Variants in LPIN3 observed in about 807,000 individuals in gnomAD.
LPIN3 encodes phosphatidate phosphatase LPIN3.
Under a neutral mutation model 94.7 loss-of-function variants are expected in LPIN3, and 82 were observed. The ratio of observed to expected loss-of-function variants is 0.87; its 90% confidence interval spans 0.72 to 1.04. LPIN3 has a LOEUF of 1.04. Among genes scored for constraint, LPIN3 ranks in the 50% least tolerant of loss-of-function variants. The pLI is 0.00. For missense variants in LPIN3, 996 were observed against 1,090.5 expected (o/e 0.91, Z 1.22); for synonymous variants, 418 against 443.3 (o/e 0.94, Z 0.72).
At chr20:41,348,361 A>G (rs1308628922) in intron 3 of LPIN3, among the ~76,000 whole-genome samples, 1 of 152,186 alleles carries the variant, frequency 6.6e-6, no homozygotes, top group Non-Finnish European at 1.5e-5. Context: ...GTCTGCTGTC[A>G]TAGACTTGGG....
At position 41,357,888 on chromosome 20, in the gene LPIN3, G is replaced by A. The variant is rs1197151729; in HGVS notation, c.2046G>A (p.Gly682=). ...TSLYHKIQLN[G]YKFLYCSARA... ...CCCTGTCCCCCACTCTCAGAAATGGGTACAAGTTCCTGTACTGCTCGGCGC... is the reference window on the plus strand; with the variant it reads ...CCCTGTCCCCCACTCTCAGAAATGGATACAAGTTCCTGTACTGCTCGGCGC... The change falls in exon 17 of 20, where the codon GGG becomes GGA. Residue 682 remains glycine, a synonymous_variant. Coordinates refer to ENST00000373257, the MANE Select transcript of LPIN3 (RefSeq NM_022896.3). The A allele has an allele frequency of 1.2e-6, 2 of 1,613,972 alleles. No homozygotes were observed. Among genetic ancestry groups the A allele is most frequent in the African/African-American group, 2.7e-5 (2 of 74,936 alleles).
Position 41,348,868 on chromosome 20 carries a change from C to A in LPIN3, c.538C>A (p.Leu180Met). Residue 180 changes from leucine to methionine, a missense_variant, in exon 4 of 20, where the codon CTG becomes ATG. Physicochemically the swap from Leu to Met is conservative, Grantham distance 15 (BLOSUM62 2). Transcript: ENST00000373257. The part of the protein sequence containing the change: ...AESELSLPEK[L>M]RPEPPGVQLE... ...GAGTGAGCTATCCCTGCCGGAAAAG[C>A]TGAGGCCAGAGCCCCCAGGGTGTGT... 1 of 1,606,112 alleles carries A rather than the reference C, an allele frequency of 6.2e-7. No homozygotes were observed. Among genetic ancestry groups the A allele is most frequent in the Non-Finnish European group, 8.5e-7 (1 of 1,176,148 alleles).
rs147019839 is a variant in LPIN3 at position 41,350,441 on chromosome 20, C to T, written c.1102+44C>T. 5.1e-4 allele frequency: 745 copies of T among 1,465,260 alleles called. 9 individuals carry two copies. In the African/African-American group the frequency reaches 8.7e-3, roughly 17 times the overall value. 90.8% of individuals were successfully genotyped at this position (1,465,260 alleles called of 1,614,324 possible). A position where few individuals can be genotyped will look rare whatever the true frequency, so the allele number is the denominator to read the frequency against. Reference sequence around the variant, plus strand: ...CTCCCACTGCCTCCCTGGCCTCGCTCTGTCCCCTGGGTGGGTGCTGGGACT... The same window carrying T: ...CTCCCACTGCCTCCCTGGCCTCGCTTTGTCCCCTGGGTGGGTGCTGGGACT... On this transcript the variant is annotated intron_variant, in intron 7 of 19. Transcript: ENST00000373257.
intron 5 of LPIN3, among the ~76,000 whole-genome samples, chr20:41,349,458 C>G (rs1214019456): frequency 6.6e-6 from 1 of 152,094 alleles, no homozygotes; most frequent in African/African-American, 2.4e-5. Flanking sequence ...TCCAGAACAT[C>G]CCATCCCCCA....
intron 2 of LPIN3, 83 bp downstream of exon 2, chr20:41,346,078 C>A: frequency 7.1e-7 from 1 of 1,404,004 alleles, no homozygotes; most frequent in Non-Finnish European, 9.8e-7. Context: ...AGGACAGGAC[C>A]TGGGGCCTCC....
chr20:41,353,716 C>T (rs1034688031), intron 11 of LPIN3, among the ~76,000 whole-genome samples: 1 of 152,264 alleles, frequency 6.6e-6, no homozygotes, highest in Non-Finnish European at 1.5e-5. Context: ...CCAACCTGCA[C>T]CTGCCCCTCT....
In LPIN3 at chr20:41,356,438, A is replaced by T. The variant is rs2046210837; in HGVS notation, c.1803+404A>T. On this transcript the variant is annotated intron_variant, in intron 14 of 19. Coordinates refer to ENST00000373257, the MANE Select transcript of LPIN3 (RefSeq NM_022896.3). ...AACTGGTGGCTCCTGGAATAAGAAC[A>T]TATTTTCTTCATGGTTGTGGCTCCA... Among the ~76,000 whole-genome samples, 3 of 152,102 alleles carry T rather than the reference A, an allele frequency of 2.0e-5. No individual in the cohort carries two copies. The South Asian group carries it at 6.2e-4, about 32-fold the overall frequency.
intron 1 of LPIN3, among the ~76,000 whole-genome samples, chr20:41,344,987 G>A (rs1265341922): frequency 6.6e-6 from 1 of 152,192 alleles, no homozygotes; most frequent in African/African-American, 2.4e-5. Flanking sequence ...TTGAGCATCT[G>A]ACCCCAGGAA....
chr20:41,358,264 G>T lies in LPIN3; in HGVS notation c.2220G>T (p.Val740=), dbSNP rs756924997. ...HREVIEKKPE[V]FKVACLSDIQ... ...AGGTGATCGAGAAGAAACCAGAGGT[G>T]TTCAAGGTCGCCTGCCTGAGTGACA... The change falls in exon 18 of 20, where the codon GTG becomes GTT. Residue 740 remains valine, a synonymous_variant. Coordinates refer to ENST00000373257, the MANE Select transcript of LPIN3 (RefSeq NM_022896.3). 1.1e-5 allele frequency: 18 copies of T among 1,613,968 alleles called. No homozygotes were observed. The highest frequency in any genetic ancestry group is 1.5e-5 in the Non-Finnish European group (18 of 1,180,040).
rs746104657 is a variant in LPIN3 at position 41,348,661 on chromosome 20, G to C, written c.331G>C (p.Gly111Arg). The change falls in exon 4 of 20, where the codon GGG (glycine) becomes CGG (arginine). Residue 111 changes from glycine to arginine, a missense_variant. Transcript: ENST00000373257. ...PGLCTSPIPW[G>R]GLSGFPSDSQ... Reference sequence around the variant, plus strand: ...CCTGTGCACCTCACCCATCCCTTGGGGGGGTCTGTCTGGCTTCCCCTCGGA... The same window carrying C: ...CCTGTGCACCTCACCCATCCCTTGGCGGGGTCTGTCTGGCTTCCCCTCGGA... 23 of 1,613,558 alleles carry C rather than the reference G, an allele frequency of 1.4e-5. No individual in the cohort carries two copies. Among genetic ancestry groups the C allele is most frequent in the Admixed American group, 1.3e-4 (8 of 59,976 alleles).
rs961749759 is a variant in LPIN3 at position 41,350,326 on chromosome 20, A to G, written c.1031A>G (p.Lys344Arg). The G allele has an allele frequency of 8.7e-6, 14 of 1,610,984 alleles. No individual in the cohort carries two copies. The African/African-American group carries it at 1.9e-4, about 22-fold the overall frequency. Residue 344 changes from lysine (K) to arginine (R), a missense_variant, in exon 7 of 20, where the codon AAG (lysine) becomes AGG (arginine). By Grantham distance (26) the Lys-to-Arg change is conservative (BLOSUM62 2). Transcript: ENST00000373257. ...SGDMGLPPAS[K>R]SWSWATLEVP... ...GACATGGGCCTCCCTCCTGCCTCCA[A>G]GTCATGGAGCTGGGCCACTCTGGAG... is the stretch of plus-strand genomic sequence containing the variant.
intron 9 of LPIN3, 147 bp from the exon 10 acceptor site, chr20:41,352,459 G>A: frequency 1.2e-6 from 1 of 835,070 alleles, no homozygotes; most frequent in Non-Finnish European, 2.0e-6. Flanking sequence ...GGGAACAGGT[G>A]TAAAAACCAC....
intron 13 of LPIN3, 45 bp from the exon 14 acceptor site, chr20:41,355,851 C>T: frequency 3.1e-6 from 5 of 1,607,926 alleles, no homozygotes; most frequent in Non-Finnish European, 4.3e-6. Context: ...GGAGTGAAGG[C>T]CCTTTGGCTG....
chr20:41,344,633 G>T (rs1005437920), intron 1 of LPIN3, among the ~76,000 whole-genome samples: 15 of 152,222 alleles, frequency 9.9e-5, no homozygotes, highest in Non-Finnish European at 2.9e-5. Context: ...GCTTGGAGGA[G>T]GCTCTCATCA....
Position 41,350,132 on chromosome 20 carries a change from AC to A in LPIN3, c.840del (p.Ser281AlafsTer36). The A allele has an allele frequency of 1.9e-6, 3 of 1,612,716 alleles. No individual in the cohort carries two copies. The highest frequency in any genetic ancestry group is 2.5e-6 in the Non-Finnish European group (3 of 1,179,650). On this transcript the variant is annotated frameshift_variant, in exon 7 of 20. Coordinates refer to ENST00000373257, the MANE Select transcript of LPIN3 (RefSeq NM_022896.3). LOFTEE classifies it high-confidence loss of function. ...GGGCAACCTCTCCTCCTCGGGGAGGACCCAGCACTCCCTCTACCTCTGTGGC... is the reference window on the plus strand; with the variant it reads ...GGGCAACCTCTCCTCCTCGGGGAGGACCAGCACTCCCTCTACCTCTGTGGC... ...AGATSPPRGG[P>X]STPSTSVAGG...
In LPIN3 at chr20:41,358,741, G is replaced by T; in HGVS notation, c.2431G>T (p.Val811Leu). The T allele has an allele frequency of 6.2e-7, 1 of 1,614,040 alleles. No homozygotes were observed. The highest frequency in any genetic ancestry group is 8.5e-7 in the Non-Finnish European group (1 of 1,179,998). Residue 811 changes from valine (V) to leucine (L), a missense_variant, in exon 20 of 20, where the codon GTG (valine) becomes TTG (leucine). Physicochemically the swap from Val to Leu is conservative, Grantham distance 32 (BLOSUM62 1). Coordinates refer to ENST00000373257, the MANE Select transcript of LPIN3 (RefSeq NM_022896.3). Reference sequence around the variant, plus strand: ...CTGTAGGTATGAGCGGCTTGGTGAAGTGGTCGAGCTCCTCTTCCCACCTGT... The same window carrying T: ...CTGTAGGTATGAGCGGCTTGGTGAATTGGTCGAGCTCCTCTTCCCACCTGT... Reference protein sequence around the residue: ...HKSTYERLGEVVELLFPPVAR... With the variant: ...HKSTYERLGELVELLFPPVAR...
chr20:41,356,133 C>T, intron 14 of LPIN3, 99 bp downstream of exon 14: 3 of 1,492,050 alleles, frequency 2.0e-6, no homozygotes, highest in Non-Finnish European at 2.7e-6. Flanking sequence ...CAGGGAGCCA[C>T]ATGTTCACCA....
At chr20:41,349,333 T>A (rs1466315557) in intron 5 of LPIN3, among the ~76,000 whole-genome samples, 161 bp downstream of exon 5, 1 of 152,272 alleles carries the variant, frequency 6.6e-6, no homozygotes, top group Non-Finnish European at 1.5e-5. Context: ...TTGATTTTTT[T>A]AAATTGCGGT....
At chr20:41,342,257 G>A (rs1235847570) in intron 1 of LPIN3, among the ~76,000 whole-genome samples, 1 of 152,238 alleles carries the variant, frequency 6.6e-6, no homozygotes, top group South Asian at 2.1e-4. Flanking sequence ...AAATGGCGGA[G>A]TGGGGATCAG....
Sources: allele counts gnomAD v4.1 joint callset (sites outside exome capture counted in the v4.1 genomes callset), GRCh38; gene constraint gnomAD v4.1.1; transcripts MANE v1.5; gene names NCBI Gene and HGNC (gene_info 2026-07-23, HGNC 2026-07-21).